The following PDS5B variants were observed in gnomAD, a reference collection of about 807,000 sequenced individuals.
PDS5B encodes the protein PDS5 cohesin associated factor B.
PDS5B carries 51 observed loss-of-function variants against 184.1 expected under a neutral mutation model. The ratio of observed to expected loss-of-function variants is 0.28; its 90% CI spans 0.22 to 0.35. The LOEUF is 0.35. Among genes scored for constraint, PDS5B ranks in the 10% least tolerant of loss-of-function variants. PDS5B has a pLI of 1.00. For missense variants in PDS5B, 1,180 were observed against 1,723.3 expected, an observed-to-expected ratio of 0.68 and a Z score of 5.58; for synonymous variants, 566 against 569.2, an observed-to-expected ratio of 0.99 and a Z score of 0.08.
In PDS5B at chr13:32,651,791, T is replaced by A; in HGVS notation, c.109-13T>A. 1 of 1,528,014 alleles carries A rather than the reference T, an allele frequency of 6.5e-7. No individual in the cohort carries two copies. Among genetic ancestry groups the A allele is most frequent in the South Asian group, 1.1e-5 (1 of 87,510 alleles). 94.7% of individuals were successfully genotyped at this position (1,528,014 alleles called of 1,614,324 possible). On this transcript the variant is annotated splice_polypyrimidine_tract_variant and intron_variant, in intron 2 of 34. Coordinates refer to ENST00000315596, the MANE Select transcript of PDS5B (RefSeq NM_015032.4). ...TGGAGCATTTCATTATTTGATTTTT[T>A]ATTTTTGTATAGATGGTTGTGAAAA...
chr13:32,640,877 A>AC (rs1365973189), intron 1 of PDS5B, among the ~76,000 whole-genome samples: 8 of 151,342 alleles, frequency 5.3e-5, no homozygotes, highest in Non-Finnish European at 1.5e-5. Flanking sequence ...ACACAGTGAA[A>AC]CCCCATCTCT....
chr13:32,701,042 T>C (rs1427815245), intron 16 of PDS5B: 3 of 198,526 alleles, frequency 1.5e-5, no homozygotes, highest in East Asian at 1.1e-4. Context: ...TGATGTAATA[T>C]ATGAGACAGG....
chr13:32,692,846 G>A (rs1951594827), intron 13 of PDS5B, among the ~76,000 whole-genome samples: 1 of 151,940 alleles, frequency 6.6e-6, no homozygotes, highest in Admixed American at 6.6e-5. Context: ...ATACTTGAAA[G>A]GATAGTTCCT....
intron 19 of PDS5B, among the ~76,000 whole-genome samples, chr13:32,720,955 T>C (rs1433720024): frequency 1.3e-5 from 2 of 152,102 alleles, no homozygotes; most frequent in Non-Finnish European, 2.9e-5. Context: ...AGCACGGGGT[T>C]GGGGGTAAGG....
At chr13:32,761,079 A>C (rs1044651860) in intron 30 of PDS5B, among the ~76,000 whole-genome samples, 1 of 152,240 alleles carries the variant, frequency 6.6e-6, no homozygotes, top group African/African-American at 2.4e-5. Context: ...AAGAGTTTCC[A>C]CAATACATTA....
intron 1 of PDS5B, among the ~76,000 whole-genome samples, chr13:32,620,863 A>G (rs557331043): frequency 3.3e-5 from 5 of 152,244 alleles, no homozygotes; most frequent in African/African-American, 4.8e-5. Flanking sequence ...TCTTCTTTCT[A>G]TCTGGTGATG....
intron 1 of PDS5B, among the ~76,000 whole-genome samples, chr13:32,599,413 C>T (rs542068256): frequency 1.3e-5 from 2 of 151,568 alleles, no homozygotes; most frequent in South Asian, 2.1e-4. Context: ...TACAGGTGCA[C>T]GCCACCATGC....
chr13:32,635,938 T>G (rs982334372), intron 1 of PDS5B, among the ~76,000 whole-genome samples: 1 of 151,728 alleles, frequency 6.6e-6, no homozygotes, highest in Non-Finnish European at 1.5e-5. Flanking sequence ...CTGGCTAATT[T>G]TTTTGTATTT....
At chr13:32,639,759 T>C (rs1345532124) in intron 1 of PDS5B, among the ~76,000 whole-genome samples, 2 of 152,246 alleles carry the variant, frequency 1.3e-5, no homozygotes, top group African/African-American at 2.4e-5. Context: ...TCTGTAGTTA[T>C]ATCAGACTCT....
intron 19 of PDS5B, among the ~76,000 whole-genome samples, chr13:32,723,788 T>G (rs1952801500): frequency 6.6e-6 from 1 of 152,180 alleles, no homozygotes; most frequent in Non-Finnish European, 1.5e-5. Flanking sequence ...AACCACAGAA[T>G]AATAATCTTT....
intron 18 of PDS5B, among the ~76,000 whole-genome samples, chr13:32,709,497 G>C (rs987736672): frequency 9.2e-5 from 14 of 151,944 alleles, no homozygotes; most frequent in Non-Finnish European, 1.6e-4. Flanking sequence ...GTACCATTGT[G>C]ATTTGGACAT....
intron 20 of PDS5B, among the ~76,000 whole-genome samples, chr13:32,734,665 A>C (rs918079649): frequency 6.6e-6 from 1 of 152,166 alleles, no homozygotes; most frequent in Non-Finnish European, 1.5e-5. Context: ...CAGTGAGTAG[A>C]GCCTGTGGAG....
intron 1 of PDS5B, among the ~76,000 whole-genome samples, chr13:32,640,981 C>T (rs909219419): frequency 2.7e-5 from 4 of 149,450 alleles, no homozygotes; most frequent in African/African-American, 7.4e-5. Flanking sequence ...GGCGTGAACC[C>T]GGGAGGCGGA....
intron 12 of PDS5B, among the ~76,000 whole-genome samples, chr13:32,687,760 A>T (rs888329257): frequency 1.3e-5 from 2 of 152,204 alleles, no homozygotes; most frequent in Non-Finnish European, 2.9e-5. Flanking sequence ...TAGATCTTGT[A>T]TGGACTGCAG....
chr13:32,658,150 CAT>C (rs1418215924), intron 3 of PDS5B, 87 bp from the exon 4 acceptor site: 3 of 693,376 alleles, frequency 4.3e-6, no homozygotes, highest in African/African-American at 1.8e-5. Context: ...GATATGTACA[CAT>C]GAGTGCTGAA....
At chr13:32,696,385 C>G (rs1951703973) in intron 14 of PDS5B, among the ~76,000 whole-genome samples, 1 of 152,038 alleles carries the variant, frequency 6.6e-6, no homozygotes, top group Non-Finnish European at 1.5e-5. Flanking sequence ...TGAAATAACA[C>G]TTCCCTGATG....
chr13:32,753,703 A>G (rs1033515531), intron 25 of PDS5B, among the ~76,000 whole-genome samples, 167 bp downstream of exon 25: 8 of 152,220 alleles, frequency 5.3e-5, no homozygotes, highest in African/African-American at 1.7e-4. Flanking sequence ...TCATTTAAAA[A>G]ATGCATGGTA....
intron 24 of PDS5B, among the ~76,000 whole-genome samples, chr13:32,749,838 C>T (rs1473565794): frequency 2.0e-5 from 3 of 150,806 alleles, no homozygotes; most frequent in Admixed American, 1.3e-4. Context: ...TCTGGGGGGG[C>T]GGGGACATTT....
At chr13:32,770,076 C>G in intron 31 of PDS5B, 45 bp from the exon 32 acceptor site, 2 of 1,522,828 alleles carry the variant, frequency 1.3e-6, no homozygotes, top group Non-Finnish European at 1.8e-6. Context: ...AATATGTATA[C>G]TCACAATTTC....
Sources: gnomAD v4.1 joint callset for allele counts (sites outside exome capture counted in the v4.1 genomes callset) on GRCh38, gnomAD v4.1.1 for gene constraint, MANE v1.5 for transcripts, NCBI Gene and HGNC (gene_info 2026-07-23, HGNC 2026-07-21) for gene names.